BRD4: variants seen among roughly 807,000 people sequenced by gnomAD.
The protein encoded by BRD4 is bromodomain containing 4.
Under a neutral mutation model 142.1 loss-of-function variants are expected in BRD4, and 16 were observed. That is an observed-to-expected ratio of 0.11 (90% CI 0.08 to 0.17). The LOEUF (loss-of-function observed/expected upper bound fraction) is 0.17, where lower values mean the gene tolerates loss of function less well. BRD4 is among the 10% of genes least tolerant of loss of function. BRD4 has a pLI of 1.00. For missense variants in BRD4, 1,424 were observed against 1,810.9 expected (o/e 0.79, Z 3.88); for synonymous variants, 833 against 707.5 (o/e 1.18, Z -2.82).
Position 15,236,569 on chromosome 19 carries a change from C to T in BRD4, c.*1808G>A, listed in dbSNP as rs1169396760. 6.5e-6 allele frequency: 1 copy of T among 153,528 alleles called. No homozygotes were observed. The highest frequency in any genetic ancestry group is 2.4e-5 in the African/African-American group (1 of 41,412). 9.5% of individuals were successfully genotyped at this position (153,528 alleles called of 1,614,324 possible). On this transcript the variant is annotated 3_prime_UTR_variant, in exon 20 of 20. Transcript: ENST00000679869. ...GGAGGGGAAGAATACTGTCTGGAGT[C>T]TGGCCAGGGTTCTGCTAGAGCACAC...
In BRD4 at chr19:15,253,472, C is replaced by T. The variant is rs762851068; in HGVS notation, c.2158+680G>A. ...GGGAACCCAGGGTCCAACGTGCAGA[C>T]CCACGGGGCTTGAAAAGAAGGGACT... On this transcript the variant is annotated intron_variant, in intron 11 of 19. Transcript: ENST00000679869. The T allele has an allele frequency of 1.2e-5, 16 of 1,360,582 alleles. No homozygotes were observed. The South Asian group carries it at 2.0e-4, about 17-fold the overall frequency. 84.3% of individuals were successfully genotyped at this position (1,360,582 alleles called of 1,614,324 possible).
intron 1 of BRD4, among the ~76,000 whole-genome samples, chr19:15,304,256 C>T (rs1290218699): frequency 1.3e-5 from 2 of 152,174 alleles, no homozygotes; most frequent in Non-Finnish European, 2.9e-5. Context: ...CACAGGAACA[C>T]ACAGTGTGTG....
At chr19:15,301,327 C>T (rs950574134) in intron 1 of BRD4, among the ~76,000 whole-genome samples, 1 of 152,132 alleles carries the variant, frequency 6.6e-6, no homozygotes, top group Non-Finnish European at 1.5e-5. Context: ...CTTTGGGAGG[C>T]CAAGGCGGGC....
chr19:15,284,356 AC>A (rs1309180539), intron 1 of BRD4, among the ~76,000 whole-genome samples: 1 of 152,076 alleles, frequency 6.6e-6, no homozygotes, highest in Non-Finnish European at 1.5e-5. Context: ...GCTTCCAAAG[AC>A]CCCAAGTCCC....
intron 1 of BRD4, among the ~76,000 whole-genome samples, chr19:15,311,692 C>CTTGAGA (rs2047972558): frequency 6.6e-6 from 1 of 151,904 alleles, no homozygotes; most frequent in Admixed American, 6.6e-5. Context: ...ATCCCAGCTA[C>CTTGAGA]TTGAGAGGCT....
intron 11 of BRD4, among the ~76,000 whole-genome samples, chr19:15,251,732 G>A (rs929302302): frequency 2.0e-5 from 3 of 152,184 alleles, no homozygotes; most frequent in South Asian, 2.1e-4. Flanking sequence ...TCTGCCGTAC[G>A]AAACCCTCGC....
At chr19:15,315,609 T>G (rs1383357719) in intron 1 of BRD4, among the ~76,000 whole-genome samples, 1 of 151,822 alleles carries the variant, frequency 6.6e-6, no homozygotes, top group Non-Finnish European at 1.5e-5. Flanking sequence ...AATCCCAGCA[T>G]GTTGGGAGGA....
In BRD4 at chr19:15,277,879, G is replaced by A. The variant is rs574818188; in HGVS notation, c.-34-4746C>T. Among the ~76,000 whole-genome samples the A allele has an allele frequency of 9.2e-5, 14 of 151,934 alleles. No homozygotes were observed. The South Asian group carries it at 1.9e-3, about 20-fold the overall frequency. On this transcript the variant is annotated intron_variant, in intron 1 of 19. Coordinates refer to ENST00000679869, the MANE Select transcript of BRD4 (RefSeq NM_001379291.1). ...CCCAGCACTTTGGGAGGCCGAGGCAGGCGGATCACGAGGTCAGGAGACCGA... is the reference window on the plus strand; with the variant it reads ...CCCAGCACTTTGGGAGGCCGAGGCAAGCGGATCACGAGGTCAGGAGACCGA...
intron 1 of BRD4, among the ~76,000 whole-genome samples, chr19:15,286,169 T>C (rs776533740): frequency 3.6e-4 from 55 of 152,192 alleles, no homozygotes; most frequent in Non-Finnish European, 6.8e-4. Flanking sequence ...GACAAAGGTC[T>C]TTCCTCAGGT....
At chr19:15,324,206 G>A (rs2048088742) in intron 1 of BRD4, among the ~76,000 whole-genome samples, 1 of 152,176 alleles carries the variant, frequency 6.6e-6, no homozygotes, top group African/African-American at 2.4e-5. Context: ...ACATGCCTGG[G>A]GAGGGGGGAA....
chr19:15,274,634 C>T (rs551395556), intron 1 of BRD4, among the ~76,000 whole-genome samples: 3 of 152,318 alleles, frequency 2.0e-5, no homozygotes, highest in South Asian at 4.1e-4. Context: ...GAAGCAGACC[C>T]TATAAATTTT....
At chr19:15,309,569 T>C (rs1370299786) in intron 1 of BRD4, among the ~76,000 whole-genome samples, 1 of 152,092 alleles carries the variant, frequency 6.6e-6, no homozygotes, top group African/African-American at 2.4e-5. Flanking sequence ...CCTACGCATA[T>C]GCCAAGAGAA....
intron 1 of BRD4, among the ~76,000 whole-genome samples, chr19:15,299,067 A>G (rs2047847160): frequency 6.6e-6 from 1 of 152,122 alleles, no homozygotes; most frequent in Non-Finnish European, 1.5e-5. Context: ...AAACATGCTC[A>G]GCTATCATGG....
chr19:15,287,618 C>A (rs2047750087), intron 1 of BRD4, among the ~76,000 whole-genome samples: 1 of 151,986 alleles, frequency 6.6e-6, no homozygotes, highest in Admixed American at 6.6e-5. Flanking sequence ...CCAATCCCTG[C>A]CTCTGGCAAC....
chr19:15,298,606 G>GCGA (rs1252784834), intron 1 of BRD4, among the ~76,000 whole-genome samples: 11 of 105,662 alleles, frequency 1.0e-4, no homozygotes, highest in Non-Finnish European at 1.6e-4. Context: ...GGGCAACAGG[G>GCGA]CGAGACTCCA....
At chr19:15,251,137 G>A (rs370607797) in intron 11 of BRD4, among the ~76,000 whole-genome samples, 11 of 152,120 alleles carry the variant, frequency 7.2e-5, no homozygotes, top group East Asian at 3.9e-4. Context: ...ACACAGCTGG[G>A]AAAGCAGCAC....
intron 1 of BRD4, among the ~76,000 whole-genome samples, chr19:15,315,517 G>T (rs2048009491): frequency 6.6e-6 from 1 of 152,116 alleles, no homozygotes. Flanking sequence ...GATTGGGGGG[G>T]GGAAGCACCC....
At chr19:15,322,671 T>A (rs1412450054) in intron 1 of BRD4, among the ~76,000 whole-genome samples, 16 of 119,570 alleles carry the variant, frequency 1.3e-4, no homozygotes, top group Admixed American at 5.2e-4. Flanking sequence ...GTTAACACAG[T>A]GAAACCCCAT....
intron 9 of BRD4, 108 bp from the exon 10 acceptor site, chr19:15,255,700 C>T: frequency 2.2e-6 from 3 of 1,363,644 alleles, no homozygotes; most frequent in South Asian, 2.8e-5. Flanking sequence ...CCCATACCCC[C>T]CACCCACCAG....
Sources: allele counts gnomAD v4.1 joint callset (sites outside exome capture counted in the v4.1 genomes callset), GRCh38; gene constraint gnomAD v4.1.1; transcripts MANE v1.5; gene names NCBI Gene and HGNC (gene_info 2026-07-23, HGNC 2026-07-21).